Variants in RSRC1 observed in about 807,000 individuals in gnomAD.
RSRC1 encodes the protein serine/Arginine-related protein 53.
Under a neutral mutation model 49.1 loss-of-function variants are expected in RSRC1, and 39 were observed. That is an observed-to-expected ratio of 0.79 (90% confidence interval 0.61 to 1.04). RSRC1 has a LOEUF of 1.04. RSRC1 is among the 50% of genes least tolerant of loss of function. The pLI, the probability that RSRC1 is intolerant of heterozygous loss-of-function variation, is 0.00. For synonymous variants in RSRC1, 143 were observed against 130.8 expected, an observed-to-expected ratio of 1.09 and a Z score of -0.63; for missense variants, 388 against 402.4, an observed-to-expected ratio of 0.96 and a Z score of 0.31.
At chr3:158,513,223 G>T (rs1740288589) in intron 7 of RSRC1, among the ~76,000 whole-genome samples, 1 of 149,140 alleles carries the variant, frequency 6.7e-6, no homozygotes, top group Non-Finnish European at 1.5e-5. Context: ...TCCAGTTTTT[G>T]CCCATTCAGT....
chr3:158,530,761 G>A (rs1033481170), intron 7 of RSRC1, among the ~76,000 whole-genome samples: 5 of 151,672 alleles, frequency 3.3e-5, no homozygotes, highest in African/African-American at 1.2e-4. Context: ...CAGAGACAGG[G>A]TTTAACCCAG....
At chr3:158,120,642 C>T (rs1715190707) in intron 1 of RSRC1, among the ~76,000 whole-genome samples, 1 of 145,064 alleles carries the variant, frequency 6.9e-6, no homozygotes, top group Admixed American at 6.9e-5. Flanking sequence ...GTTAAACATA[C>T]TATACATAAT....
At chr3:158,383,557 A>G (rs1732819709) in intron 6 of RSRC1, among the ~76,000 whole-genome samples, 1 of 152,166 alleles carries the variant, frequency 6.6e-6, no homozygotes, top group Admixed American at 6.6e-5. Context: ...GCAAAAGTAC[A>G]GGTGGTGCCA....
intron 5 of RSRC1, among the ~76,000 whole-genome samples, chr3:158,352,470 T>C (rs1730929240): frequency 6.6e-6 from 1 of 152,116 alleles, no homozygotes; most frequent in Admixed American, 6.6e-5. Context: ...CTTAAATATT[T>C]CTTAATTGTT....
At chr3:158,176,934 T>C (rs1719257758) in intron 3 of RSRC1, among the ~76,000 whole-genome samples, 3 of 151,738 alleles carry the variant, frequency 2.0e-5, no homozygotes, top group South Asian at 2.1e-4. Flanking sequence ...ACAAAGAACT[T>C]AAACAAATTT....
chr3:158,268,908 T>A (rs1006820148), intron 4 of RSRC1, among the ~76,000 whole-genome samples: 1 of 152,204 alleles, frequency 6.6e-6, no homozygotes, highest in African/African-American at 2.4e-5. Flanking sequence ...ACTTTCTCTG[T>A]TATCTTAAAC....
chr3:158,256,454 T>C (rs2698323), intron 4 of RSRC1, among the ~76,000 whole-genome samples: 72,309 of 151,986 alleles, frequency 0.48, 17,776 homozygotes, highest in East Asian at 0.64. Flanking sequence ...CTGCTGGATT[T>C]GGTTTGCCAG....
intron 4 of RSRC1, among the ~76,000 whole-genome samples, chr3:158,222,647 A>G (rs1722292051): frequency 6.6e-6 from 1 of 151,644 alleles, no homozygotes; most frequent in Non-Finnish European, 1.5e-5. Flanking sequence ...TAACTCTAGT[A>G]TCACTTCTTA....
intron 5 of RSRC1, among the ~76,000 whole-genome samples, chr3:158,345,515 T>C (rs550521520): frequency 3.3e-5 from 5 of 152,030 alleles, no homozygotes; most frequent in African/African-American, 1.2e-4. Context: ...GTTGGTTCAA[T>C]CCCATGCATC....
chr3:158,463,052 C>CA (rs1250093799), intron 7 of RSRC1, among the ~76,000 whole-genome samples: 1 of 151,948 alleles, frequency 6.6e-6, no homozygotes, highest in South Asian at 2.1e-4. Flanking sequence ...AATCAATGAC[C>CA]AATTTCCCTT....
intron 4 of RSRC1, among the ~76,000 whole-genome samples, chr3:158,288,067 T>C (rs1726683147): frequency 6.6e-6 from 1 of 152,192 alleles, no homozygotes; most frequent in African/African-American, 2.4e-5. Flanking sequence ...CACAACTGTA[T>C]GTGATGGACC....
At chr3:158,195,456 C>G (rs1354103190) in intron 3 of RSRC1, among the ~76,000 whole-genome samples, 2 of 151,390 alleles carry the variant, frequency 1.3e-5, no homozygotes, top group African/African-American at 4.9e-5. Context: ...GTTGCCTGTT[C>G]ACTCTGATGG....
At chr3:158,252,705 A>C (rs1455086773) in intron 4 of RSRC1, among the ~76,000 whole-genome samples, 3 of 152,204 alleles carry the variant, frequency 2.0e-5, no homozygotes, top group Non-Finnish European at 4.4e-5. Flanking sequence ...CATTGAAGCC[A>C]TTGAGTCATG....
intron 4 of RSRC1, among the ~76,000 whole-genome samples, chr3:158,281,639 G>T (rs1368470280): frequency 6.6e-6 from 1 of 152,144 alleles, no homozygotes; most frequent in Non-Finnish European, 1.5e-5. Context: ...AGTGAGGAAA[G>T]GCTATGAAGT....
At chr3:158,484,602 T>G (rs1738744860) in intron 7 of RSRC1, among the ~76,000 whole-genome samples, 1 of 152,138 alleles carries the variant, frequency 6.6e-6, no homozygotes, top group South Asian at 2.1e-4. Context: ...TTCTAATATT[T>G]GCATGCAGTT....
At chr3:158,486,107 TAC>T (rs1483023578) in intron 7 of RSRC1, among the ~76,000 whole-genome samples, 1 of 152,156 alleles carries the variant, frequency 6.6e-6, no homozygotes, top group Non-Finnish European at 1.5e-5. Flanking sequence ...TTAGAACCAT[TAC>T]AGATATTTTC....
chr3:158,369,446 A>G (rs1033929663), intron 6 of RSRC1, among the ~76,000 whole-genome samples: 1 of 152,084 alleles, frequency 6.6e-6, no homozygotes. Flanking sequence ...TGATGTAAAA[A>G]TGGTTCATGA....
At chr3:158,530,400 C>G (rs1037677854) in intron 7 of RSRC1, among the ~76,000 whole-genome samples, 1 of 151,782 alleles carries the variant, frequency 6.6e-6, no homozygotes, top group Non-Finnish European at 1.5e-5. Flanking sequence ...CTCTGGTTAC[C>G]CCATCTGAAA....
intron 3 of RSRC1, among the ~76,000 whole-genome samples, chr3:158,178,603 C>T (rs1719396259): frequency 6.6e-6 from 1 of 152,044 alleles, no homozygotes; most frequent in African/African-American, 2.4e-5. Context: ...CTTGAGAATT[C>T]TTTGCTTTCC....
Sources: gnomAD v4.1 joint callset for allele counts (sites outside exome capture counted in the v4.1 genomes callset) on GRCh38, gnomAD v4.1.1 for gene constraint, MANE v1.5 for transcripts, NCBI Gene and HGNC (gene_info 2026-07-23, HGNC 2026-07-21) for gene names.